Variants in BOK observed in about 807,000 individuals in gnomAD.
BOK encodes bcl-2-related ovarian killer protein.
In BOK, 20 loss-of-function variants were observed where a neutral mutation model predicts 18.3. That is an observed-to-expected ratio of 1.09 (90% CI 0.77 to 1.59). BOK has a LOEUF of 1.59. BOK is among the 40% of genes most tolerant of loss of function. The pLI, the probability that BOK is intolerant of heterozygous loss-of-function variation, is 0.00. For synonymous variants in BOK, 173 were observed against 142.4 expected, an observed-to-expected ratio of 1.21 and a Z score of -1.53; for missense variants, 348 against 307.9, an observed-to-expected ratio of 1.13 and a Z score of -0.97.
intron 1 of BOK, 32 bp from the exon 2 acceptor site, chr2:241,559,423 C>G (rs1164860888): frequency 7.8e-7 from 1 of 1,283,288 alleles, no homozygotes; most frequent in Admixed American, 4.2e-5. Context: ...CGCGCCGCCT[C>G]CCTCCACCCG....
chr2:241,563,478 C>G (rs2066563416), intron 3 of BOK, among the ~76,000 whole-genome samples: 1 of 152,206 alleles, frequency 6.6e-6, no homozygotes, highest in Non-Finnish European at 1.5e-5. Context: ...GCACATTCCT[C>G]AGCTGTTTTC....
chr2:241,560,050 G>A, intron 2 of BOK: 1 of 984,438 alleles, frequency 1.0e-6, no homozygotes, highest in African/African-American at 1.7e-5. Context: ...CACGTGTCCC[G>A]ATGTTTATTT....
At chr2:241,565,572 C>CT (rs1401660064) in intron 3 of BOK, among the ~76,000 whole-genome samples, 1 of 86,554 alleles carries the variant, frequency 1.2e-5, no homozygotes, top group Non-Finnish European at 2.3e-5. Flanking sequence ...CGCTCTGACC[C>CT]CCGGTCTTCC....
chr2:241,568,068 A>G (rs1046081316), intron 3 of BOK, among the ~76,000 whole-genome samples: 2 of 151,950 alleles, frequency 1.3e-5, no homozygotes, highest in Non-Finnish European at 2.9e-5. Context: ...CCACCCAAGC[A>G]TGTGTTTTTG....
chr2:241,559,492 G>A lies in BOK; in HGVS notation c.9G>A (p.Val3=). 6.8e-7 allele frequency: 1 copy of A among 1,479,300 alleles called. No homozygotes were observed. The highest frequency in any genetic ancestry group is 8.9e-7 in the Non-Finnish European group (1 of 1,120,928). 91.6% of individuals were successfully genotyped at this position (1,479,300 alleles called of 1,614,324 possible). A position where few individuals can be genotyped will look rare whatever the true frequency, so the allele number is the denominator to read the frequency against. ...CCACCCGCGTCGCCGCCATGGAGGTGCTGCGGCGCTCCTCGGTCTTCGCCG... is the reference window on the plus strand; with the variant it reads ...CCACCCGCGTCGCCGCCATGGAGGTACTGCGGCGCTCCTCGGTCTTCGCCG... ME[V]LRRSSVFAAE... is the part of the protein sequence containing the mutation. The change falls in exon 2 of 5, where the codon GTG becomes GTA. Residue 3 remains valine (V), a synonymous_variant. Coordinates refer to ENST00000318407, the MANE Select transcript of BOK (RefSeq NM_032515.5).
chr2:241,560,461 G>A (rs1287270485), intron 2 of BOK, among the ~76,000 whole-genome samples: 2 of 152,284 alleles, frequency 1.3e-5, no homozygotes, highest in South Asian at 2.1e-4. Flanking sequence ...GGGGGTTGGA[G>A]TCGGAGGGCA....
At chr2:241,555,666 C>T (rs541126214), upstream of BOK, among the ~76,000 whole-genome samples, 11 of 152,132 alleles carry the variant, frequency 7.2e-5, no homozygotes, top group Non-Finnish European at 1.0e-4. Context: ...CATGAGCCAC[C>T]ACGCCTGGCA....
At chr2:241,551,593 G>T (rs1415420936) in intron 1 of BOK, 2 of 123,614 alleles carry the variant, frequency 1.6e-5, no homozygotes, top group African/African-American at 3.1e-5. Context: ...AGATGACTTG[G>T]GGGGACCCAC....
At chr2:241,553,687 C>G (rs972870957) in intron 1 of BOK, among the ~76,000 whole-genome samples, 1 of 152,176 alleles carries the variant, frequency 6.6e-6, no homozygotes, top group Non-Finnish European at 1.5e-5. Flanking sequence ...GCAAATCAGC[C>G]CCCATCATCC....
At position 241,572,384 on chromosome 2, in the gene BOK, C is replaced by G. The variant is rs540599644; in HGVS notation, c.601C>G (p.Leu201Val). The G allele has an allele frequency of 3.7e-6, 6 of 1,604,420 alleles. No homozygotes were observed. In the South Asian group the frequency reaches 6.6e-5, roughly 18 times the overall value. ...VAALCSFGRF[L>V]KAAFFVLLPE... ...TGCACTCTGCAGCTTCGGCCGCTTC[C>G]TGAAGGCTGCCTTCTTCGTGCTGCT... The change falls in exon 5 of 5, where the codon CTG becomes GTG. Residue 201 changes from leucine to valine, a missense_variant. Leu to Val is a conservative substitution (Grantham distance 32). Coordinates refer to ENST00000318407, the MANE Select transcript of BOK (RefSeq NM_032515.5).
intron 3 of BOK, among the ~76,000 whole-genome samples, chr2:241,564,344 T>G (rs985275474): frequency 1.3e-5 from 2 of 152,138 alleles, no homozygotes; most frequent in African/African-American, 4.8e-5. Context: ...TGTCTGGCGC[T>G]CCTGGGGTGG....
chr2:241,557,521 C>T (rs191110434), upstream of BOK, among the ~76,000 whole-genome samples: 131 of 151,970 alleles, frequency 8.6e-4, no homozygotes, highest in African/African-American at 2.9e-3. Flanking sequence ...CATTTTGACC[C>T]GGCTGGTCTC....
upstream of BOK, among the ~76,000 whole-genome samples, chr2:241,554,557 C>A (rs756703990): frequency 6.6e-6 from 1 of 152,236 alleles, no homozygotes; most frequent in African/African-American, 2.4e-5. Flanking sequence ...TTCCCCATGT[C>A]CAGCCACAGC....
Position 241,562,599 on chromosome 2 carries a change from C to A in BOK, c.349+123C>A. 7.8e-7 allele frequency: 1 copy of A among 1,275,666 alleles called. No homozygotes were observed. Among genetic ancestry groups the A allele is most frequent in the Non-Finnish European group, 1.0e-6 (1 of 957,942 alleles). The allele number at this position is 1,275,666 out of a possible 1,614,324, so 79.0% of individuals were successfully genotyped here. A position where few individuals can be genotyped will look rare whatever the true frequency, so the allele number is the denominator to read the frequency against. The stretch of plus-strand genomic sequence containing the variant: ...TGGCGCTGCCCAGTGCCCACCGGTG[C>A]CATCTCACTGCTGCAGGTGTCAGGA... On this transcript the variant is annotated intron_variant, in intron 3 of 4. Transcript: ENST00000318407. This position sits in a 1 kb window ranked among gnomAD's most constrained non-coding sequence, Gnocchi z 4.5.
rs140115244 is a variant in BOK, at chr2:241,553,092, C to T, written n.54+1615C>T. On this transcript the variant is annotated intron_variant and non_coding_transcript_variant, in intron 1 of 1. Coordinates refer to the BOK transcript ENST00000641230. ...CGACCCCCGTGGCCTGCAGGCTGAA[C>T]GCCCGCCCAGTCCCACCCACCCCCG... Among the ~76,000 whole-genome samples the T allele has an allele frequency of 4.3e-3, 652 of 152,202 alleles. 9 individuals are homozygous for T. The highest frequency in any genetic ancestry group is 6.8e-3 in the Non-Finnish European group (462 of 68,008).
chr2:241,559,603 C>T lies in BOK; in HGVS notation c.120C>T (p.His40=). The T allele has an allele frequency of 6.7e-7, 1 of 1,486,422 alleles. No individual in the cohort carries two copies. The highest frequency in any genetic ancestry group is 8.9e-7 in the Non-Finnish European group (1 of 1,125,812). The allele number at this position is 1,486,422 out of a possible 1,614,324, so 92.1% of individuals were successfully genotyped here. A position where few individuals can be genotyped will look rare whatever the true frequency, so the allele number is the denominator to read the frequency against. Residue 40 remains histidine, a synonymous_variant, in exon 2 of 5, where the codon CAC becomes CAT. Transcript: ENST00000318407. ...AGGCGCTGGGCCGGGAGTACGTGCA[C>T]GCGCGGCTGCTGCGCGCCGGCCTCT... ...QAKALGREYV[H]ARLLRAGLSW... is the part of the protein sequence containing the mutation.
Position 241,559,446 on chromosome 2 carries a change from T to C in BOK, c.-29-9T>C, listed in dbSNP as rs1456341679. The C allele has an allele frequency of 8.6e-6, 12 of 1,399,414 alleles. No individual in the cohort carries two copies. The highest frequency in any genetic ancestry group is 1.1e-5 in the Non-Finnish European group (12 of 1,078,700). 86.7% of individuals were successfully genotyped at this position (1,399,414 alleles called of 1,614,324 possible). ...CTCCCTCCACCCGGCTGAGCGCTTG[T>C]GCCCGCAGGTGCGGCGCCCCCCACC... On this transcript the variant is annotated splice_polypyrimidine_tract_variant and intron_variant, in intron 1 of 4. Transcript: ENST00000318407.
chr2:241,564,749 C>A (rs993763202), intron 3 of BOK, among the ~76,000 whole-genome samples: 6 of 152,184 alleles, frequency 3.9e-5, no homozygotes, highest in Non-Finnish European at 8.8e-5. Context: ...GACGACCACT[C>A]TCAGCCCTCC....
At chr2:241,570,000 G>T in intron 3 of BOK, 125 bp from the exon 4 acceptor site, 2 of 1,256,386 alleles carry the variant, frequency 1.6e-6, no homozygotes, top group Non-Finnish European at 2.2e-6. Context: ...GTCCCCCCTT[G>T]GGACGGTCCC....
Sources: gnomAD v4.1 joint callset for allele counts (sites outside exome capture counted in the v4.1 genomes callset) on GRCh38, gnomAD v4.1.1 for gene constraint, Gnocchi (gnomAD v3.1) non-coding constraint, MANE v1.5 for transcripts, NCBI Gene and HGNC (gene_info 2026-07-23, HGNC 2026-07-21) for gene names.